The following CHST10 variants were observed in gnomAD, a reference collection of about 807,000 sequenced individuals.
The protein encoded by CHST10 is carbohydrate sulfotransferase 10, also known as HNK-1 sulfotransferase.
Under a neutral mutation model 34.7 loss-of-function variants are expected in CHST10, and 24 were observed. That is an observed-to-expected ratio of 0.69 (90% CI 0.50 to 0.97). The LOEUF is 0.97. Among genes scored for constraint, CHST10 ranks in the 50% least tolerant of loss-of-function variants. CHST10 has a pLI of 0.00. For missense variants in CHST10, 402 were observed against 452.1 expected, an observed-to-expected ratio of 0.89 and a Z score of 1.00; for synonymous variants, 161 against 169.3, an observed-to-expected ratio of 0.95 and a Z score of 0.38.
chr2:100,411,204 C>G (rs1675821041), intron 2 of CHST10, among the ~76,000 whole-genome samples: 1 of 150,960 alleles, frequency 6.6e-6, no homozygotes, highest in Non-Finnish European at 1.5e-5. Flanking sequence ...GCATCCTGCA[C>G]CTCCTGGGTT....
intron 4 of CHST10, among the ~76,000 whole-genome samples, chr2:100,401,388 C>T (rs1461287151): frequency 6.6e-6 from 1 of 152,164 alleles, no homozygotes; most frequent in South Asian, 2.1e-4. Flanking sequence ...TTTTTATTTG[C>T]AATGACTCCT....
intron 3 of CHST10, 95 bp downstream of exon 3, chr2:100,406,481 C>A: frequency 1.3e-6 from 2 of 1,494,314 alleles, no homozygotes; most frequent in Non-Finnish European, 1.8e-6. Context: ...AGTCCTTTGA[C>A]TCTGTGACAG....
chr2:100,411,263 C>T (rs10164572), intron 2 of CHST10, among the ~76,000 whole-genome samples: 5,784 of 151,852 alleles, frequency 0.038, 353 homozygotes, highest in African/African-American at 0.13. Flanking sequence ...ATTACAGGCA[C>T]GCCACACCTG....
At chr2:100,414,679 C>G (rs553383286) in intron 2 of CHST10, among the ~76,000 whole-genome samples, 1 of 152,252 alleles carries the variant, frequency 6.6e-6, no homozygotes, top group South Asian at 2.1e-4. Flanking sequence ...TGTTGTCATC[C>G]TTACAATTTA....
chr2:100,415,215 T>C (rs1676017599), intron 1 of CHST10, 104 bp from the exon 2 acceptor site: 2 of 559,716 alleles, frequency 3.6e-6, no homozygotes, highest in Non-Finnish European at 5.5e-6. Flanking sequence ...TGAACCATTT[T>C]GATGATTCAA....
chr2:100,397,624 C>T (rs1031571858), intron 5 of CHST10, among the ~76,000 whole-genome samples: 14 of 152,062 alleles, frequency 9.2e-5, no homozygotes, highest in Admixed American at 7.9e-4. Context: ...AGGAGGGGGG[C>T]CTGGGGGTGG....
At chr2:100,403,345 C>T (rs10202942) in intron 3 of CHST10, among the ~76,000 whole-genome samples, 2,871 of 152,318 alleles carry the variant, frequency 0.019, 95 homozygotes, top group African/African-American at 0.066. Flanking sequence ...GATTCCATCA[C>T]ATTCCCTTCG....
At chr2:100,394,779 G>A (rs4851312) in intron 6 of CHST10, among the ~76,000 whole-genome samples, 88,537 of 150,174 alleles carry the variant, frequency 0.59, 26,992 homozygotes, top group East Asian at 0.78. Context: ...GCTAGAGTAC[G>A]GTGGCCAGAT....
At chr2:100,393,908 T>A in intron 6 of CHST10, 126 bp from the exon 7 acceptor site, 1 of 687,154 alleles carries the variant, frequency 1.5e-6, no homozygotes, top group Admixed American at 2.7e-5. Context: ...GAGGCTGCCA[T>A]GAATGCATTC....
At chr2:100,410,905 T>C (rs924552598) in intron 2 of CHST10, among the ~76,000 whole-genome samples, 15 of 152,032 alleles carry the variant, frequency 9.9e-5, no homozygotes, top group African/African-American at 7.2e-5. Context: ...TGTCAAGATA[T>C]ACCAGTAAAC....
chr2:100,397,946 C>T lies in CHST10; in HGVS notation c.389G>A (p.Gly130Asp), dbSNP rs1329970478. The stretch of plus-strand genomic sequence containing the variant: ...CAGCACTTTCTTCCACTGGGTGTTG[C>T]CCACTTTGGGAGTCTGGCAGAAAAG... ...KILFCQTPKV[G>D]NTQWKKVLIV... is the part of the protein sequence containing the mutation. The change falls in exon 5 of 7, where the codon GGC becomes GAC. Residue 130 changes from glycine (G) to aspartate (D), a missense_variant. Gly to Asp is a moderately conservative substitution (Grantham distance 94). Coordinates refer to ENST00000264249, the MANE Select transcript of CHST10 (RefSeq NM_004854.5). 6.2e-7 allele frequency: 1 copy of T among 1,613,946 alleles called. No homozygotes were observed. The highest frequency in any genetic ancestry group is 1.1e-5 in the South Asian group (1 of 91,050).
chr2:100,400,649 CCATT>C (rs1270956103), intron 4 of CHST10, among the ~76,000 whole-genome samples: 1 of 152,196 alleles, frequency 6.6e-6, no homozygotes, highest in African/African-American at 2.4e-5. Flanking sequence ...TTTCTATTTT[CCATT>C]CAAACATTCG....
At chr2:100,410,449 G>A (rs966728101) in intron 2 of CHST10, among the ~76,000 whole-genome samples, 2 of 152,200 alleles carry the variant, frequency 1.3e-5, no homozygotes, top group African/African-American at 4.8e-5. Context: ...GGACAGCAGG[G>A]ACCAGCACAG....
rs1175958807 is a variant in CHST10, at chr2:100,409,004, C to T, written c.-32-2297G>A. Among the ~76,000 whole-genome samples, 3 of 152,186 alleles carry T rather than the reference C, an allele frequency of 2.0e-5. No individual in the cohort carries two copies. In the East Asian group the frequency reaches 5.8e-4, roughly 30 times the overall value. Reference sequence around the variant, plus strand: ...GCTCTGAGTGTCCTGGGGCTTGCAACCCACCCTCTCCTAGGATCAGTGCTA... The same window carrying T: ...GCTCTGAGTGTCCTGGGGCTTGCAATCCACCCTCTCCTAGGATCAGTGCTA... On this transcript the variant is annotated intron_variant, in intron 2 of 6. Transcript: ENST00000264249.
intron 2 of CHST10, among the ~76,000 whole-genome samples, chr2:100,411,259 G>C (rs1223882026): frequency 1.3e-5 from 2 of 151,856 alleles, no homozygotes; most frequent in African/African-American, 2.4e-5. Context: ...TGTGATTACA[G>C]GCACGCCACA....
Position 100,393,699 on chromosome 2 carries a change from T to G in CHST10, c.617A>C (p.Asn206Thr). 1 of 1,614,082 alleles carries G rather than the reference T, an allele frequency of 6.2e-7. No individual in the cohort carries two copies. Among genetic ancestry groups the G allele is most frequent in the South Asian group, 1.1e-5 (1 of 91,074 alleles). The change falls in exon 7 of 7, where the codon AAT (asparagine) becomes ACT (threonine). Residue 206 changes from asparagine (N) to threonine (T), a missense_variant. By Grantham distance (65) the Asn-to-Thr change is moderately conservative. Coordinates refer to ENST00000264249, the MANE Select transcript of CHST10 (RefSeq NM_004854.5). ...ISAFKDKFVH[N>T]PRFEPWYRHE... ...CCTGTACCAAGGCTCAAACCGGGGA[T>G]TGTGAACAAATTTATCCTTAAATGC... is the stretch of plus-strand genomic sequence containing the variant.
At chr2:100,410,464 T>A (rs577741880) in intron 2 of CHST10, among the ~76,000 whole-genome samples, 1 of 151,350 alleles carries the variant, frequency 6.6e-6, no homozygotes, top group Non-Finnish European at 1.5e-5. Flanking sequence ...GCACAGTGCC[T>A]GGCGCACCAT....
intron 3 of CHST10, 143 bp downstream of exon 3, chr2:100,406,433 A>G: frequency 1.0e-6 from 1 of 999,830 alleles, no homozygotes. Context: ...ACATGAAGGA[A>G]CGGAGGCCAT....
intron 3 of CHST10, 150 bp downstream of exon 3, chr2:100,406,426 T>C: frequency 1.3e-6 from 1 of 783,070 alleles, no homozygotes; most frequent in East Asian, 2.8e-5. Flanking sequence ...CTCTGTAACA[T>C]GAAGGAACGG....
Sources: allele counts gnomAD v4.1 joint callset (sites outside exome capture counted in the v4.1 genomes callset), GRCh38; gene constraint gnomAD v4.1.1; transcripts MANE v1.5; gene names NCBI Gene and HGNC (gene_info 2026-07-23, HGNC 2026-07-21).